Variants in ATP1A3 observed in about 807,000 individuals in gnomAD.
ATP1A3 encodes the protein ATPase Na+/K+ transporting subunit alpha 3, also known as sodium/potassium-transporting ATPase subunit alpha-3.
A neutral mutation model predicts 108.8 loss-of-function variants in ATP1A3; 12 were observed. The ratio of observed to expected loss-of-function variants is 0.11; its 90% confidence interval spans 0.07 to 0.18. The LOEUF is 0.18. Among genes scored for constraint, ATP1A3 ranks in the 10% least tolerant of loss-of-function variants. The pLI is 1.00. For missense variants in ATP1A3, 498 were observed against 1,387.7 expected, an observed-to-expected ratio of 0.36 and a Z score of 10.19; for synonymous variants, 539 against 564.5, an observed-to-expected ratio of 0.95 and a Z score of 0.64.
chr19:41,978,395 T>C lies in ATP1A3; in HGVS notation c.1631-69A>G, dbSNP rs2075195032. ...AACCTCCGCCCCATGCCCCTAGATG[T>C]CTGCATCGCCCGCATTCCATCTCCC... On this transcript the variant is annotated intron_variant, in intron 12 of 22. Coordinates refer to ENST00000648268, the MANE Select transcript of ATP1A3 (RefSeq NM_152296.5). This position sits in a 1 kb window ranked among gnomAD's most constrained non-coding sequence, Gnocchi z 8.3. The C allele has an allele frequency of 2.0e-6, 3 of 1,535,666 alleles. No homozygotes were observed. The highest frequency in any genetic ancestry group is 2.6e-6 in the Non-Finnish European group (3 of 1,135,540).
At position 41,968,688 on chromosome 19, in the gene ATP1A3, A is replaced by G; in HGVS notation, c.2819+97T>C. The stretch of plus-strand genomic sequence containing the variant: ...GAGACCCTGCCTCAACAAAACAACA[A>G]AAAACCAAAGCAAGGACACAAGAGG... On this transcript the variant is annotated intron_variant, in intron 20 of 22. Transcript: ENST00000648268. The surrounding 1 kb of genome is among the most constrained non-coding windows in gnomAD (Gnocchi z 5.0). The G allele has an allele frequency of 6.3e-7, 1 of 1,582,920 alleles. No homozygotes were observed.
chr19:41,972,216 C>T (rs534222604), intron 16 of ATP1A3, among the ~76,000 whole-genome samples: 14 of 152,192 alleles, frequency 9.2e-5, no homozygotes, highest in Admixed American at 3.9e-4. Context: ...TGCCATTGCA[C>T]TCCAGCCTGG....
At chr19:41,987,114 GTGTC>G (rs2075294360) in intron 4 of ATP1A3, among the ~76,000 whole-genome samples, 1 of 152,194 alleles carries the variant, frequency 6.6e-6, no homozygotes, top group Non-Finnish European at 1.5e-5. Flanking sequence ...GTCTGTCCAT[GTGTC>G]TGTCTGACTG....
Position 41,976,524 on chromosome 19 carries a change from G to C in ATP1A3, c.1986C>G (p.Asp662Glu). 6.2e-7 allele frequency: 1 copy of C among 1,614,218 alleles called. No individual in the cohort carries two copies. The highest frequency in any genetic ancestry group is 8.5e-7 in the Non-Finnish European group (1 of 1,180,048). Residue 662 changes from aspartate to glutamate, a missense_variant, in exon 15 of 23, where the codon GAC becomes GAG. Transcript: ENST00000648268. ...TCTCGTCGATTTGCTCGGAGGTGAA[G>C]TCCTTGAGGTCGGTGCCGTGGATCA... ...ACVIHGTDLK[D>E]FTSEQIDEIL...
At position 41,982,210 on chromosome 19, in the gene ATP1A3, C is replaced by A; in HGVS notation, c.994-104G>T. On this transcript the variant is annotated intron_variant, in intron 8 of 22. Coordinates refer to ENST00000648268, the MANE Select transcript of ATP1A3 (RefSeq NM_152296.5). ...CCCAGCTGCCCAGCCCCCAGAGAAT[C>A]CTGAGGGCCTGGAAAAGAATGAGGC... 2.5e-6 allele frequency: 4 copies of A among 1,585,514 alleles called. No homozygotes were observed. The South Asian group carries it at 4.4e-5, about 18-fold the overall frequency.
intron 17 of ATP1A3, 21 bp downstream of exon 17, chr19:41,970,367 A>C: frequency 6.2e-7 from 1 of 1,614,200 alleles, no homozygotes; most frequent in Non-Finnish European, 8.5e-7. Flanking sequence ...CTGGGCCCCA[A>C]GGGTGGCTGC....
intron 4 of ATP1A3, 69 bp from the exon 5 acceptor site, chr19:41,986,298 G>A: frequency 6.7e-7 from 1 of 1,499,946 alleles, no homozygotes; most frequent in South Asian, 1.1e-5. Context: ...CTGCTCGCCT[G>A]GAGTCTGGGA....
At chr19:41,969,002 C>A in intron 19 of ATP1A3, 87 bp from the exon 20 acceptor site, 1 of 1,596,540 alleles carries the variant, frequency 6.3e-7, no homozygotes, top group South Asian at 1.1e-5. Flanking sequence ...GCTCTTTGCC[C>A]CGCCCCATCC....
intron 14 of ATP1A3, among the ~76,000 whole-genome samples, chr19:41,976,980 T>A (rs1045380121): frequency 4.0e-5 from 6 of 151,576 alleles, no homozygotes; most frequent in Admixed American, 6.6e-5. Context: ...AATTTTTTTT[T>A]AATTTTTAGT....
intron 15 of ATP1A3, among the ~76,000 whole-genome samples, 165 bp downstream of exon 15, chr19:41,976,251 T>C (rs1341733828): frequency 1.3e-4 from 7 of 53,672 alleles, no homozygotes; most frequent in South Asian, 6.7e-4. Flanking sequence ...CCCAGCCCCC[T>C]CCTCCCTCAG....
intron 16 of ATP1A3, among the ~76,000 whole-genome samples, 171 bp from the exon 17 acceptor site, chr19:41,970,713 G>A (rs1348456101): frequency 6.9e-6 from 1 of 143,892 alleles, no homozygotes; most frequent in Admixed American, 7.1e-5. Context: ...CTCACTGCAG[G>A]CTCCGCCTCC....
rs1465164017 is a variant in ATP1A3, at chr19:41,988,116, C to T, written c.177G>A (p.Gln59=). Residue 59 remains glutamine (Q), a synonymous_variant, in exon 4 of 23, where the codon CAG becomes CAA. Coordinates refer to ENST00000648268, the MANE Select transcript of ATP1A3 (RefSeq NM_152296.5). This position sits in a 1 kb window ranked among gnomAD's most constrained non-coding sequence, Gnocchi z 5.3. Reference sequence around the variant, plus strand: ...TAGGCCCATCCCGGGCCAGGATCTCCTGGGCTTTGCTGTGGGTCAAACCCT... The same window carrying T: ...TAGGCCCATCCCGGGCCAGGATCTCTTGGGCTTTGCTGTGGGTCAAACCCT... ...CVQGLTHSKA[Q]EILARDGPNA... 2 of 1,614,044 alleles carry T rather than the reference C, an allele frequency of 1.2e-6. No individual in the cohort carries two copies. The highest frequency in any genetic ancestry group is 1.7e-6 in the Non-Finnish European group (2 of 1,180,018).
At chr19:41,991,476 G>A (rs909093740) in intron 1 of ATP1A3, among the ~76,000 whole-genome samples, 1 of 152,218 alleles carries the variant, frequency 6.6e-6, no homozygotes, top group Non-Finnish European at 1.5e-5. Context: ...ACAGTGCCGG[G>A]GTGGTCTCAG....
At position 41,967,823 on chromosome 19, in the gene ATP1A3, C is replaced by T. The variant is rs200797477; in HGVS notation, c.2820-60G>A. ...AGCACCCACCCTGCACCTGCCACCCCGCAGAGACAGGGGGAGGCACAGTGC... is the reference window on the plus strand; with the variant it reads ...AGCACCCACCCTGCACCTGCCACCCTGCAGAGACAGGGGGAGGCACAGTGC... On this transcript the variant is annotated intron_variant, in intron 20 of 22. Transcript: ENST00000648268. The surrounding 1 kb of genome is among the most constrained non-coding windows in gnomAD (Gnocchi z 4.2). 2.4e-5 allele frequency: 36 copies of T among 1,496,824 alleles called. No individual in the cohort carries two copies. The highest frequency in any genetic ancestry group is 2.2e-4 in the African/African-American group (16 of 72,576). 92.7% of individuals were successfully genotyped at this position (1,496,824 alleles called of 1,614,324 possible). A position where few individuals can be genotyped will look rare whatever the true frequency, so the allele number is the denominator to read the frequency against.
Position 41,978,468 on chromosome 19 carries a change from C to A in ATP1A3, c.1630+138G>T. ...CATTCATTTCCTAGGATACCTTCCCCTCTCATCCATCCATTCATTCATTCA... is the reference window on the plus strand; with the variant it reads ...CATTCATTTCCTAGGATACCTTCCCATCTCATCCATCCATTCATTCATTCA... On this transcript the variant is annotated intron_variant, in intron 12 of 22. Coordinates refer to ENST00000648268, the MANE Select transcript of ATP1A3 (RefSeq NM_152296.5). The surrounding 1 kb of genome is among the most constrained non-coding windows in gnomAD (Gnocchi z 8.3). 6.7e-7 allele frequency: 1 copy of A among 1,482,684 alleles called. No individual in the cohort carries two copies. The highest frequency in any genetic ancestry group is 1.2e-5 in the South Asian group (1 of 85,858). 91.8% of individuals were successfully genotyped at this position (1,482,684 alleles called of 1,614,324 possible). A position where few individuals can be genotyped will look rare whatever the true frequency, so the allele number is the denominator to read the frequency against.
chr19:41,992,628 C>T (rs573159072), intron 1 of ATP1A3, among the ~76,000 whole-genome samples: 5 of 151,958 alleles, frequency 3.3e-5, no homozygotes, highest in Non-Finnish European at 7.4e-5. Context: ...GTGTCTCTTC[C>T]TCTGAGCCTC....
intron 16 of ATP1A3, among the ~76,000 whole-genome samples, chr19:41,972,386 C>T (rs1309656145): frequency 3.9e-5 from 6 of 152,050 alleles, no homozygotes; most frequent in South Asian, 2.1e-4. Flanking sequence ...TGCAGCACTG[C>T]GCTCCAGCCT....
intron 19 of ATP1A3, 117 bp from the exon 20 acceptor site, chr19:41,969,032 C>T (rs1195947106): frequency 3.4e-6 from 5 of 1,473,874 alleles, no homozygotes; most frequent in Non-Finnish European, 4.7e-6. Flanking sequence ...TCCTCAGGGC[C>T]TCAGGTGTGT....
chr19:41,983,760 A>T (rs1234178414), intron 8 of ATP1A3, among the ~76,000 whole-genome samples: 84 of 144,910 alleles, frequency 5.8e-4, no homozygotes, highest in African/African-American at 2.0e-3. Context: ...TGGCTAATTT[A>T]AAAAAATTTT....
Sources: allele counts gnomAD v4.1 joint callset (sites outside exome capture counted in the v4.1 genomes callset), GRCh38; gene constraint gnomAD v4.1.1; non-coding constraint Gnocchi (gnomAD v3.1); transcripts MANE v1.5; gene names NCBI Gene and HGNC (gene_info 2026-07-23, HGNC 2026-07-21).